Variants in RAB31 observed in about 807,000 individuals in gnomAD.
RAB31 encodes the protein RAB31, member RAS oncogene family.
Under a neutral mutation model 25.6 loss-of-function variants are expected in RAB31, and 21 were observed. That is an observed-to-expected ratio of 0.82 (90% CI 0.58 to 1.18). The LOEUF is 1.18. RAB31 is among the 50% of genes most tolerant of loss of function. The pLI is 0.00. For missense variants in RAB31, 196 were observed against 250.1 expected (o/e 0.78, Z 1.46); for synonymous variants, 87 against 84.0 (o/e 1.04, Z -0.20).
intron 3 of RAB31, among the ~76,000 whole-genome samples, chr18:9,798,227 A>C (rs368029744): frequency 2.6e-5 from 4 of 152,198 alleles, no homozygotes; most frequent in African/African-American, 9.6e-5. Context: ...ACTGATATCC[A>C]TGTGGCTATG....
intron 5 of RAB31, among the ~76,000 whole-genome samples, chr18:9,843,861 G>T (rs1182366178): frequency 6.6e-6 from 1 of 152,150 alleles, no homozygotes; most frequent in Non-Finnish European, 1.5e-5. Flanking sequence ...TTCCAGCTAG[G>T]ACTGAAGGGT....
chr18:9,834,735 T>G (rs2068695821), intron 5 of RAB31, among the ~76,000 whole-genome samples: 1 of 152,236 alleles, frequency 6.6e-6, no homozygotes, highest in Non-Finnish European at 1.5e-5. Context: ...GGAAGGATGC[T>G]AAAAGCCATC....
intron 1 of RAB31, among the ~76,000 whole-genome samples, chr18:9,729,747 C>T (rs1411564920): frequency 6.8e-6 from 1 of 147,328 alleles, no homozygotes; most frequent in Non-Finnish European, 1.5e-5. Context: ...TTATCTTTGT[C>T]ATAAATGAGA....
chr18:9,859,473 G>A lies in RAB31; in HGVS notation c.*148G>A. ...ATCCTGGAAGACCTGCAGGGGGCGG[G>A]GCAGGAAATGTACCTGAAAAGGATT... On this transcript the variant is annotated 3_prime_UTR_variant, in exon 7 of 7. Transcript: ENST00000578921. 1.7e-6 allele frequency: 1 copy of A among 587,296 alleles called. No homozygotes were observed. Among genetic ancestry groups the A allele is most frequent in the Middle Eastern group, 4.4e-4 (1 of 2,276 alleles). The allele number at this position is 587,296 out of a possible 1,614,324, so 36.4% of individuals were successfully genotyped here. A position where few individuals can be genotyped will look rare whatever the true frequency, so the allele number is the denominator to read the frequency against.
chr18:9,836,911 G>C (rs532581114), intron 5 of RAB31, among the ~76,000 whole-genome samples: 37 of 151,698 alleles, frequency 2.4e-4, no homozygotes, highest in African/African-American at 8.7e-4. Context: ...GTGAGGAACC[G>C]AGTGAAACAC....
At chr18:9,761,954 A>G (rs925926880) in intron 1 of RAB31, among the ~76,000 whole-genome samples, 1 of 152,058 alleles carries the variant, frequency 6.6e-6, no homozygotes, top group Non-Finnish European at 1.5e-5. Context: ...TTACAGGTGC[A>G]CACCACCATG....
At chr18:9,718,989 G>A (rs1386367468) in intron 1 of RAB31, among the ~76,000 whole-genome samples, 1 of 151,862 alleles carries the variant, frequency 6.6e-6, no homozygotes, top group African/African-American at 2.4e-5. Context: ...CAATTTGAAG[G>A]CCAGGCATGG....
intron 1 of RAB31, among the ~76,000 whole-genome samples, chr18:9,715,023 A>G (rs762660394): frequency 6.6e-6 from 1 of 152,150 alleles, no homozygotes; most frequent in Non-Finnish European, 1.5e-5. Flanking sequence ...TGCTAGAGAC[A>G]GAAAGTAGGT....
At chr18:9,761,424 A>G (rs1050831037) in intron 1 of RAB31, among the ~76,000 whole-genome samples, 4 of 152,208 alleles carry the variant, frequency 2.6e-5, no homozygotes, top group African/African-American at 9.6e-5. Flanking sequence ...GCCCTCCATT[A>G]TGTCTGTATT....
intron 5 of RAB31, among the ~76,000 whole-genome samples, chr18:9,827,685 C>A (rs2068656774): frequency 6.6e-6 from 1 of 152,078 alleles, no homozygotes; most frequent in Non-Finnish European, 1.5e-5. Context: ...TACACCAAGA[C>A]AAAGGGCATC....
chr18:9,822,068 T>C (rs1398843738), intron 5 of RAB31, among the ~76,000 whole-genome samples: 2 of 152,182 alleles, frequency 1.3e-5, no homozygotes, highest in Non-Finnish European at 2.9e-5. Flanking sequence ...GCTTACCATA[T>C]AGCTACAGTA....
intron 5 of RAB31, among the ~76,000 whole-genome samples, chr18:9,840,418 C>T (rs1400895633): frequency 1.3e-5 from 2 of 152,136 alleles, no homozygotes; most frequent in Non-Finnish European, 2.9e-5. Context: ...CCGTACCCTC[C>T]CATAATCGTA....
At chr18:9,738,796 C>T (rs1259645165) in intron 1 of RAB31, among the ~76,000 whole-genome samples, 1 of 152,210 alleles carries the variant, frequency 6.6e-6, no homozygotes, top group African/African-American at 2.4e-5. Flanking sequence ...CACCTTCCTC[C>T]TTGTGCTAGG....
intron 3 of RAB31, among the ~76,000 whole-genome samples, chr18:9,792,702 C>G (rs1254201191): frequency 6.6e-6 from 1 of 152,120 alleles, no homozygotes; most frequent in South Asian, 2.1e-4. Context: ...GCCTTAGGCC[C>G]CATGCCCACT....
intron 5 of RAB31, among the ~76,000 whole-genome samples, chr18:9,829,761 C>A (rs1296139569): frequency 1.3e-5 from 2 of 152,124 alleles, no homozygotes; most frequent in Non-Finnish European, 2.9e-5. Flanking sequence ...TTCCTAATTA[C>A]CTATAAAGTT....
chr18:9,858,363 T>G (rs545640471), intron 6 of RAB31, among the ~76,000 whole-genome samples: 2 of 152,320 alleles, frequency 1.3e-5, no homozygotes, highest in East Asian at 3.9e-4. Flanking sequence ...TTCCATTGCC[T>G]TTTTTCAGAA....
At chr18:9,731,290 C>T (rs747988971) in intron 1 of RAB31, among the ~76,000 whole-genome samples, 1 of 152,198 alleles carries the variant, frequency 6.6e-6, no homozygotes, top group Non-Finnish European at 1.5e-5. Flanking sequence ...ATTGTCAGGT[C>T]TTCCCTAAGC....
At chr18:9,827,776 C>T (rs1338075364) in intron 5 of RAB31, among the ~76,000 whole-genome samples, 6 of 152,104 alleles carry the variant, frequency 3.9e-5, no homozygotes, top group Admixed American at 6.5e-5. Context: ...TTAGCAAATA[C>T]GTTTTGACGG....
intron 1 of RAB31, among the ~76,000 whole-genome samples, chr18:9,738,983 T>TG (rs1568166270): frequency 6.6e-6 from 1 of 152,202 alleles, no homozygotes; most frequent in East Asian, 1.9e-4. Context: ...GAAAACCTCC[T>TG]GTACATTTGG....
Sources: gnomAD v4.1 joint callset for allele counts (sites outside exome capture counted in the v4.1 genomes callset) on GRCh38, gnomAD v4.1.1 for gene constraint, MANE v1.5 for transcripts, NCBI Gene and HGNC (gene_info 2026-07-23, HGNC 2026-07-21) for gene names.